Variants in PDE4B observed in about 807,000 individuals in gnomAD.
PDE4B encodes the protein 3',5'-cyclic-AMP phosphodiesterase 4B.
A neutral mutation model predicts 82.2 loss-of-function variants in PDE4B; 20 were observed. The observed-to-expected ratio is 0.24, with a 90% CI of 0.17 to 0.35. PDE4B has a LOEUF of 0.35. Among genes scored for constraint, PDE4B ranks in the 10% least tolerant of loss-of-function variants. The pLI is 1.00. For missense variants in PDE4B, 655 were observed against 907.2 expected (o/e 0.72, Z 3.57); for synonymous variants, 320 against 318.9 (o/e 1.00, Z -0.04).
chr1:66,041,408 T>C (rs1164050986), intron 3 of PDE4B, among the ~76,000 whole-genome samples: 5 of 151,978 alleles, frequency 3.3e-5, no homozygotes, highest in Admixed American at 3.3e-4. Context: ...ACAATCGTTA[T>C]AGTAGCCTCA....
chr1:65,873,992 G>A (rs963950490), intron 1 of PDE4B, among the ~76,000 whole-genome samples: 9 of 150,372 alleles, frequency 6.0e-5, no homozygotes, highest in African/African-American at 2.2e-4. Flanking sequence ...CATTGAATCT[G>A]TAAATTACCT....
At chr1:66,210,193 CAT>C (rs1649911821) in intron 3 of PDE4B, among the ~76,000 whole-genome samples, 2 of 152,166 alleles carry the variant, frequency 1.3e-5, no homozygotes, top group Non-Finnish European at 1.5e-5. Flanking sequence ...TGATTAATGG[CAT>C]TGCTTTTAGA....
chr1:66,341,401 T>G (rs1360746883), intron 8 of PDE4B, among the ~76,000 whole-genome samples: 1 of 152,228 alleles, frequency 6.6e-6, no homozygotes, highest in Non-Finnish European at 1.5e-5. Flanking sequence ...CTTCTCATTC[T>G]TCATTTACGT....
chr1:65,960,301 G>A (rs550529250), intron 3 of PDE4B, among the ~76,000 whole-genome samples: 1 of 152,146 alleles, frequency 6.6e-6, no homozygotes, highest in African/African-American at 2.4e-5. Context: ...CAAGGCACTA[G>A]CAAGAATGAT....
chr1:66,327,224 G>A (rs1026064591), intron 7 of PDE4B, among the ~76,000 whole-genome samples: 11 of 151,928 alleles, frequency 7.2e-5, no homozygotes, highest in African/African-American at 2.4e-4. Context: ...TGGGGAAGTT[G>A]GTCTATGAAC....
intron 3 of PDE4B, among the ~76,000 whole-genome samples, chr1:65,920,959 C>CT (rs71058435): frequency 0.097 from 6,633 of 68,288 alleles, 1,668 homozygotes; most frequent in Non-Finnish European, 0.12. Context: ...AAAAGCATTT[C>CT]TTTTTTTTTT....
chr1:65,910,828 C>T (rs922898850), intron 1 of PDE4B, among the ~76,000 whole-genome samples: 1 of 152,180 alleles, frequency 6.6e-6, no homozygotes, highest in African/African-American at 2.4e-5. Context: ...TAGACAGTAC[C>T]TGAGAACCAG....
chr1:66,117,788 T>C (rs1645626782), intron 3 of PDE4B, among the ~76,000 whole-genome samples: 1 of 152,146 alleles, frequency 6.6e-6, no homozygotes, highest in Non-Finnish European at 1.5e-5. Flanking sequence ...CTATATGTCA[T>C]TATTACTTAA....
At chr1:65,838,978 G>T (rs1421112218) in intron 1 of PDE4B, among the ~76,000 whole-genome samples, 1 of 152,082 alleles carries the variant, frequency 6.6e-6, no homozygotes, top group African/African-American at 2.4e-5. Flanking sequence ...GTTGGATGAT[G>T]AACTTAAAAA....
chr1:65,826,835 G>A (rs1226212919), intron 1 of PDE4B, among the ~76,000 whole-genome samples: 1 of 152,152 alleles, frequency 6.6e-6, no homozygotes, highest in Non-Finnish European at 1.5e-5. Flanking sequence ...GCCTGATTAA[G>A]AATGAAGCTG....
At chr1:65,971,873 T>C (rs1650158825) in intron 3 of PDE4B, among the ~76,000 whole-genome samples, 1 of 152,194 alleles carries the variant, frequency 6.6e-6, no homozygotes, top group Non-Finnish European at 1.5e-5. Context: ...TGAAAGATTT[T>C]CAGAAATGAG....
At chr1:66,327,635 G>T (rs1357626223) in intron 7 of PDE4B, among the ~76,000 whole-genome samples, 1 of 152,056 alleles carries the variant, frequency 6.6e-6, no homozygotes, top group African/African-American at 2.4e-5. Flanking sequence ...CCTCATTTTA[G>T]AGATAAATAA....
intron 3 of PDE4B, among the ~76,000 whole-genome samples, chr1:66,240,396 T>C (rs1443204115): frequency 6.6e-6 from 1 of 152,176 alleles, no homozygotes; most frequent in Non-Finnish European, 1.5e-5. Context: ...AGGAAGGAAC[T>C]AAAGGACAAG....
intron 7 of PDE4B, among the ~76,000 whole-genome samples, chr1:66,271,955 C>T (rs1655515777): frequency 6.6e-6 from 1 of 152,232 alleles, no homozygotes; most frequent in African/African-American, 2.4e-5. Context: ...GTCGCTGCAT[C>T]CCCTCATCTA....
intron 7 of PDE4B, among the ~76,000 whole-genome samples, chr1:66,278,076 T>A (rs1193605337): frequency 6.6e-6 from 1 of 152,256 alleles, no homozygotes; most frequent in Non-Finnish European, 1.5e-5. Context: ...TGTAACTGCC[T>A]ATTTTCTTGA....
intron 6 of PDE4B, among the ~76,000 whole-genome samples, chr1:66,258,836 C>T (rs763670403): frequency 4.6e-5 from 7 of 152,102 alleles, no homozygotes; most frequent in African/African-American, 1.4e-4. Context: ...TGGGAGTAAA[C>T]CCTGCTTTGA....
intron 7 of PDE4B, among the ~76,000 whole-genome samples, chr1:66,299,549 C>T (rs908251679): frequency 6.6e-6 from 1 of 152,128 alleles, no homozygotes; most frequent in African/African-American, 2.4e-5. Flanking sequence ...CTCTCCAATA[C>T]ATTGATTTAT....
At chr1:66,041,799 T>TACACACACAC (rs376075112) in intron 3 of PDE4B, among the ~76,000 whole-genome samples, 249 of 139,132 alleles carry the variant, frequency 1.8e-3, no homozygotes, top group African/African-American at 6.1e-3. Context: ...TGCTTTGAAA[T>TACACACACAC]ACACACACAC....
chr1:66,011,931 T>A (rs1652509242), intron 3 of PDE4B, among the ~76,000 whole-genome samples: 1 of 152,128 alleles, frequency 6.6e-6, no homozygotes, highest in African/African-American at 2.4e-5. Flanking sequence ...TTATATGCAG[T>A]TTTCTAGGTT....
Sources: allele counts gnomAD v4.1 joint callset (sites outside exome capture counted in the v4.1 genomes callset), GRCh38; gene constraint gnomAD v4.1.1; transcripts MANE v1.5; gene names NCBI Gene and HGNC (gene_info 2026-07-23, HGNC 2026-07-21).